GFRAL: variants seen among roughly 807,000 people sequenced by gnomAD.
GFRAL encodes GDNF family receptor alpha like.
In GFRAL, 36 loss-of-function variants were observed where a neutral mutation model predicts 45.4. The ratio of observed to expected loss-of-function variants is 0.79; its 90% CI spans 0.61 to 1.05. The LOEUF is 1.05. Among genes scored for constraint, GFRAL ranks in the 50% least tolerant of loss-of-function variants. The pLI, the probability that GFRAL is intolerant of heterozygous loss-of-function variation, is 0.00. For missense variants in GFRAL, 507 were observed against 467.5 expected (o/e 1.08, Z -0.78); for synonymous variants, 166 against 154.1 (o/e 1.08, Z -0.57).
chr6:55,352,568 C>T (rs908839633), intron 5 of GFRAL, among the ~76,000 whole-genome samples: 3 of 151,858 alleles, frequency 2.0e-5, no homozygotes, highest in African/African-American at 4.8e-5. Context: ...TTGAGAGGAC[C>T]GATAGTGGAA....
intron 3 of GFRAL, among the ~76,000 whole-genome samples, chr6:55,341,399 A>C (rs1168019249): frequency 6.6e-6 from 1 of 152,160 alleles, no homozygotes; most frequent in Non-Finnish European, 1.5e-5. Flanking sequence ...TGCTTCTGAC[A>C]CCCAGTCAAA....
At chr6:55,356,281 T>C (rs1768193554) in intron 5 of GFRAL, among the ~76,000 whole-genome samples, 2 of 151,946 alleles carry the variant, frequency 1.3e-5, no homozygotes, top group African/African-American at 4.8e-5. Flanking sequence ...GAAATATTTT[T>C]AGTAGAATTG....
At chr6:55,353,920 G>A (rs765293272) in intron 5 of GFRAL, among the ~76,000 whole-genome samples, 2 of 151,876 alleles carry the variant, frequency 1.3e-5, no homozygotes, top group African/African-American at 4.8e-5. Flanking sequence ...TTACTATTCT[G>A]CCTTTCTAAC....
At position 55,340,415 on chromosome 6, in the gene GFRAL, A is replaced by G. The variant is rs539120165; in HGVS notation, c.316+6471A>G. Among the ~76,000 whole-genome samples, 8 of 152,330 alleles carry G rather than the reference A, an allele frequency of 5.3e-5. No individual in the cohort carries two copies. In the East Asian group the frequency reaches 1.4e-3, roughly 26 times the overall value. ...CAAATTATTAGTAAATATATAACGT[A>G]AATATTTTTCATTAACTAAATATTG... On this transcript the variant is annotated intron_variant, in intron 3 of 8. Coordinates refer to ENST00000340465, the MANE Select transcript of GFRAL (RefSeq NM_207410.2).
intron 6 of GFRAL, among the ~76,000 whole-genome samples, chr6:55,385,801 C>T (rs1363407439): frequency 2.0e-5 from 3 of 152,044 alleles, no homozygotes; most frequent in Non-Finnish European, 2.9e-5. Context: ...CAGTTCTATC[C>T]CTACCTCCAC....
chr6:55,345,469 G>T (rs1356422053), intron 3 of GFRAL, among the ~76,000 whole-genome samples: 5 of 152,314 alleles, frequency 3.3e-5, no homozygotes, highest in African/African-American at 9.6e-5. Context: ...AATAACTGGT[G>T]CTGGGAAAAC....
intron 8 of GFRAL, among the ~76,000 whole-genome samples, chr6:55,400,914 G>A (rs1159258978): frequency 6.6e-6 from 1 of 152,054 alleles, no homozygotes; most frequent in East Asian, 1.9e-4. Flanking sequence ...TACTTTAATG[G>A]TTCTCAATCT....
At chr6:55,359,193 CT>C (rs1768240910) in intron 6 of GFRAL, 55 bp downstream of exon 6, 1 of 1,449,004 alleles carries the variant, frequency 6.9e-7, no homozygotes, top group South Asian at 1.3e-5. Flanking sequence ...TATCATCTAT[CT>C]ATCTATCTAT....
At chr6:55,396,694 T>C (rs1225071280) in intron 6 of GFRAL, among the ~76,000 whole-genome samples, 5 of 152,076 alleles carry the variant, frequency 3.3e-5, no homozygotes, top group African/African-American at 1.2e-4. Flanking sequence ...AAAATTAATT[T>C]TTTTCAAGGA....
At chr6:55,345,807 G>T (rs1768033709) in intron 3 of GFRAL, among the ~76,000 whole-genome samples, 1 of 151,916 alleles carries the variant, frequency 6.6e-6, no homozygotes, top group Non-Finnish European at 1.5e-5. Flanking sequence ...TGACAAAGGG[G>T]TACTACCCAG....
At chr6:55,400,425 C>T (rs780300696) in intron 8 of GFRAL, among the ~76,000 whole-genome samples, 2 of 152,208 alleles carry the variant, frequency 1.3e-5, no homozygotes, top group South Asian at 4.1e-4. Context: ...ATAAACATAT[C>T]TTGCTCCTCC....
At position 55,342,108 on chromosome 6, in the gene GFRAL, C is replaced by T. The variant is rs12665106; in HGVS notation, c.317-7984C>T. Among the ~76,000 whole-genome samples the T allele has an allele frequency of 7.5e-4, 114 of 152,268 alleles. 1 individual carries two copies. In the East Asian group the frequency reaches 0.018, roughly 24 times the overall value. ...AAGTTGGAAAACACTCTGCAGGATA[C>T]TATCCAGGAGAACTTCCCCAATCTA... On this transcript the variant is annotated intron_variant, in intron 3 of 8. Coordinates refer to ENST00000340465, the MANE Select transcript of GFRAL (RefSeq NM_207410.2).
intron 6 of GFRAL, among the ~76,000 whole-genome samples, chr6:55,393,346 G>A (rs1768779244): frequency 6.6e-6 from 1 of 152,084 alleles, no homozygotes; most frequent in Non-Finnish European, 1.5e-5. Flanking sequence ...GGGATCTTTT[G>A]TTTGCCTAAC....
intron 1 of GFRAL, among the ~76,000 whole-genome samples, chr6:55,330,099 G>A (rs562463931): frequency 1.3e-5 from 2 of 152,136 alleles, no homozygotes; most frequent in African/African-American, 4.8e-5. Flanking sequence ...ACTAACTTGC[G>A]TAACATATTA....
intron 6 of GFRAL, among the ~76,000 whole-genome samples, chr6:55,360,829 A>AT (rs1687296382): frequency 1.3e-5 from 2 of 151,954 alleles, no homozygotes; most frequent in African/African-American, 4.8e-5. Context: ...ACAGTTATAT[A>AT]ATAATGGTTA....
intron 6 of GFRAL, among the ~76,000 whole-genome samples, chr6:55,384,863 C>CAAA (rs34292413): frequency 2.1e-4 from 30 of 140,508 alleles, no homozygotes; most frequent in African/African-American, 6.0e-4. Flanking sequence ...CAAAAAGCAG[C>CAAA]AAAAAAAAAA....
intron 3 of GFRAL, among the ~76,000 whole-genome samples, chr6:55,344,006 T>C (rs1479813953): frequency 1.3e-5 from 2 of 152,226 alleles, no homozygotes; most frequent in East Asian, 3.9e-4. Flanking sequence ...AATCCCTGCA[T>C]AGACCAATAA....
chr6:55,351,624 C>A lies in GFRAL; in HGVS notation c.701+41C>A, dbSNP rs759330772. On this transcript the variant is annotated intron_variant, in intron 5 of 8. Coordinates refer to ENST00000340465, the MANE Select transcript of GFRAL (RefSeq NM_207410.2). ...CATACCTTACTTTCTTATTTCGGCACCTTATTTGTTATAGTCCAGTCCTAA... is the reference window on the plus strand; with the variant it reads ...CATACCTTACTTTCTTATTTCGGCAACTTATTTGTTATAGTCCAGTCCTAA... 16 of 1,462,996 alleles carry A rather than the reference C, an allele frequency of 1.1e-5. No homozygotes were observed. In the African/African-American group the frequency reaches 2.0e-4, roughly 18 times the overall value. 90.6% of individuals were successfully genotyped at this position (1,462,996 alleles called of 1,614,324 possible).
intron 3 of GFRAL, among the ~76,000 whole-genome samples, chr6:55,346,836 C>A (rs1768049265): frequency 1.5e-5 from 1 of 64,668 alleles, no homozygotes. Context: ...AGAAATCCCC[C>A]CCCCCCAAAA....
Sources: allele counts gnomAD v4.1 joint callset (sites outside exome capture counted in the v4.1 genomes callset), GRCh38; gene constraint gnomAD v4.1.1; transcripts MANE v1.5; gene names NCBI Gene and HGNC (gene_info 2026-07-23, HGNC 2026-07-21).